ANO3: variants seen among roughly 807,000 people sequenced by gnomAD.
ANO3 encodes the protein anoctamin-3.
Under a neutral mutation model 144.8 loss-of-function variants are expected in ANO3, and 99 were observed. The ratio of observed to expected loss-of-function variants is 0.68; its 90% CI spans 0.58 to 0.81. ANO3 has a LOEUF of 0.81. Among genes scored for constraint, ANO3 ranks in the 30% least tolerant of loss-of-function variants. The pLI, the probability that ANO3 is intolerant of heterozygous loss-of-function variation, is 0.00. For missense variants in ANO3, 905 were observed against 1,202.2 expected (o/e 0.75, Z 3.66); for synonymous variants, 414 against 392.6 (o/e 1.05, Z -0.64).
At chr11:26,495,845 T>C (rs1014075291) in intron 4 of ANO3, among the ~76,000 whole-genome samples, 1 of 152,202 alleles carries the variant, frequency 6.6e-6, no homozygotes, top group African/African-American at 2.4e-5. Context: ...ATTTGCCTTC[T>C]CCACATACAT....
intron 4 of ANO3, among the ~76,000 whole-genome samples, chr11:26,487,756 C>T (rs923266829): frequency 6.6e-6 from 1 of 152,130 alleles, no homozygotes; most frequent in African/African-American, 2.4e-5. Flanking sequence ...GGCATTTCAC[C>T]CCTGCCCTAG....
chr11:26,415,054 GTA>G (rs1438518368), intron 1 of ANO3, among the ~76,000 whole-genome samples: 46 of 92,680 alleles, frequency 5.0e-4, no homozygotes, highest in Admixed American at 6.9e-4. Context: ...TTATTGGTGT[GTA>G]TGTGTGTGTG....
At chr11:26,306,835 C>A (rs1282811007), upstream of ANO3, among the ~76,000 whole-genome samples, 1 of 151,956 alleles carries the variant, frequency 6.6e-6, no homozygotes, top group Non-Finnish European at 1.5e-5. Context: ...GAAATATGAT[C>A]TCCTTCTATC....
rs1011873436 is a variant in ANO3 at position 26,565,347 on chromosome 11, A to G, written c.1447+5568A>G. On this transcript the variant is annotated intron_variant, in intron 14 of 26. Coordinates refer to ENST00000256737, the MANE Select transcript of ANO3 (RefSeq NM_031418.4). The stretch of plus-strand genomic sequence containing the variant: ...AGATGGAGAAGTTGGTTCTGAAGAG[A>G]GGATGCTAACTGTAATGGAACTGTT... 11 of 1,612,440 alleles carry G rather than the reference A, an allele frequency of 6.8e-6. No individual in the cohort carries two copies. The highest frequency in any genetic ancestry group is 6.7e-5 in the Admixed American group (4 of 59,798).
chr11:26,474,078 T>C, intron 4 of ANO3: 1 of 985,202 alleles, frequency 1.0e-6, no homozygotes, highest in Non-Finnish European at 1.2e-6. Context: ...TTGAGACTGT[T>C]GTCAGCAATG....
chr11:26,547,555 GC>G lies in ANO3; in HGVS notation c.1289+6del. ...AATGAATAATAGTCAAGTAAGGTAGGCTATTAAGAGACCTATTAAAAATATT... is the reference window on the plus strand; with the variant it reads ...AATGAATAATAGTCAAGTAAGGTAGGTATTAAGAGACCTATTAAAAATATT... On this transcript the variant is annotated splice_donor_region_variant and intron_variant, in intron 12 of 26. Coordinates refer to ENST00000256737, the MANE Select transcript of ANO3 (RefSeq NM_031418.4). 6.2e-7 allele frequency: 1 copy of G among 1,610,448 alleles called. No individual in the cohort carries two copies. Among genetic ancestry groups the G allele is most frequent in the Middle Eastern group, 1.7e-4 (1 of 6,024 alleles).
At chr11:26,328,335 G>A (rs1404983196), upstream of ANO3, among the ~76,000 whole-genome samples, 1 of 152,132 alleles carries the variant, frequency 6.6e-6, no homozygotes, top group Non-Finnish European at 1.5e-5. Flanking sequence ...TTACAGAGCT[G>A]GTTTTTGTCT....
intron 1 of ANO3, among the ~76,000 whole-genome samples, chr11:26,312,186 A>G (rs1227326799): frequency 6.6e-6 from 1 of 152,150 alleles, no homozygotes; most frequent in Admixed American, 6.5e-5. Flanking sequence ...ATCCTTTTTT[A>G]TGGCTGCATA....
intron 4 of ANO3, among the ~76,000 whole-genome samples, chr11:26,470,574 G>A (rs1303794935): frequency 1.3e-5 from 2 of 151,884 alleles, no homozygotes; most frequent in African/African-American, 4.8e-5. Flanking sequence ...CTCAGACAAG[G>A]CAGTACTATG....
At position 26,215,968 on chromosome 11, in the gene ANO3, C is replaced by T. The variant is rs533873733; in HGVS notation, c.154+26638C>T. On this transcript the variant is annotated intron_variant, in intron 1 of 27. Transcript: ENST00000672621. ...CAAAACTACTTCATCAACCAGGGTA[C>T]GATTATTTATACTGTTTTTTATATT... Among the ~76,000 whole-genome samples the T allele has an allele frequency of 1.4e-3, 215 of 151,992 alleles. 2 individuals carry two copies. Among genetic ancestry groups the T allele is most frequent in the Non-Finnish European group, 2.3e-3 (158 of 67,868 alleles).
chr11:26,660,008 T>C (rs1853829098), intron 26 of ANO3, among the ~76,000 whole-genome samples: 1 of 152,186 alleles, frequency 6.6e-6, no homozygotes, highest in Non-Finnish European at 1.5e-5. Flanking sequence ...TAAGATTTAT[T>C]CAGTGCTTAT....
At chr11:26,451,559 G>C (rs916563978) in intron 3 of ANO3, among the ~76,000 whole-genome samples, 1 of 152,192 alleles carries the variant, frequency 6.6e-6, no homozygotes, top group African/African-American at 2.4e-5. Context: ...ACTCAGGCTT[G>C]CTTAGGTAAA....
At chr11:26,428,349 A>G (rs1216805130) in intron 1 of ANO3, among the ~76,000 whole-genome samples, 2 of 152,190 alleles carry the variant, frequency 1.3e-5, no homozygotes, top group Non-Finnish European at 2.9e-5. Context: ...CAACTCCGAA[A>G]CATATTGTAA....
chr11:26,489,928 T>C (rs925300373), intron 4 of ANO3, among the ~76,000 whole-genome samples: 3 of 152,228 alleles, frequency 2.0e-5, no homozygotes, highest in African/African-American at 7.2e-5. Flanking sequence ...GACTGGACTG[T>C]GGACATTTTG....
chr11:26,219,266 C>T (rs1852095325), intron 1 of ANO3, among the ~76,000 whole-genome samples: 1 of 151,982 alleles, frequency 6.6e-6, no homozygotes, highest in African/African-American at 2.4e-5. Context: ...ATGTTTAAAC[C>T]CATGAGAAAA....
rs1853906322 is a variant in ANO3, at chr11:26,662,387, C to T, written c.*1943C>T. The T allele has an allele frequency of 6.6e-6, 1 of 151,956 alleles. No homozygotes were observed. Among genetic ancestry groups the T allele is most frequent in the Non-Finnish European group, 1.5e-5 (1 of 67,988 alleles). 9.4% of individuals were successfully genotyped at this position (151,956 alleles called of 1,614,324 possible). On this transcript the variant is annotated 3_prime_UTR_variant, in exon 27 of 27. Transcript: ENST00000256737. Reference sequence around the variant, plus strand: ...TACAAGGGAGTTTTTTACACTCCTCCATTTTTATAGCATCTGCATTTCTTT... The same window carrying T: ...TACAAGGGAGTTTTTTACACTCCTCTATTTTTATAGCATCTGCATTTCTTT...
Position 26,460,369 on chromosome 11 carries a change from A to G in ANO3, c.314-2661A>G, listed in dbSNP as rs1444853615. On this transcript the variant is annotated intron_variant, in intron 3 of 26. Coordinates refer to ENST00000256737, the MANE Select transcript of ANO3 (RefSeq NM_031418.4). Reference sequence around the variant, plus strand: ...TGGCGTACAGATAGTTTTTTCACCCAGATATTATGCTGACTTCTCCAGTAT... The same window carrying G: ...TGGCGTACAGATAGTTTTTTCACCCGGATATTATGCTGACTTCTCCAGTAT... Among the ~76,000 whole-genome samples the G allele has an allele frequency of 3.6e-5, 5 of 140,222 alleles. No homozygotes were observed. The Admixed American group carries it at 3.7e-4, about 10-fold the overall frequency. The allele number at this position is 140,222 out of a possible 152,430, so 92.0% of individuals were successfully genotyped here.
At chr11:26,656,069 A>G (rs1385936602) in intron 24 of ANO3, 56 bp from the exon 25 acceptor site, 3 of 1,329,712 alleles carry the variant, frequency 2.3e-6, no homozygotes, top group Non-Finnish European at 3.2e-6. Context: ...TAATAAAATA[A>G]TTAGGCTAGA....
At chr11:26,382,615 A>T (rs1856619860) in intron 1 of ANO3, among the ~76,000 whole-genome samples, 1 of 152,148 alleles carries the variant, frequency 6.6e-6, no homozygotes, top group Admixed American at 6.5e-5. Flanking sequence ...CTGTGGAGTT[A>T]GTCATCATGT....
Sources: gnomAD v4.1 joint callset for allele counts (sites outside exome capture counted in the v4.1 genomes callset) on GRCh38, gnomAD v4.1.1 for gene constraint, MANE v1.5 for transcripts, NCBI Gene and HGNC (gene_info 2026-07-23, HGNC 2026-07-21) for gene names.